Variants in LHPP observed in about 807,000 individuals in gnomAD.
The protein encoded by LHPP is phospholysine phosphohistidine inorganic pyrophosphate phosphatase.
A neutral mutation model predicts 30.3 loss-of-function variants in LHPP; 24 were observed. The ratio of observed to expected loss-of-function variants is 0.79; its 90% CI spans 0.57 to 1.11. The LOEUF (loss-of-function observed/expected upper bound fraction) is 1.11. Ranked by LOEUF, LHPP falls within the 50% of genes most tolerant of loss-of-function variation. LHPP has a pLI of 0.00. For synonymous variants in LHPP, 150 were observed against 157.1 expected (o/e 0.95, Z 0.34); for missense variants, 356 against 367.2 (o/e 0.97, Z 0.25).
intron 6 of LHPP, among the ~76,000 whole-genome samples, chr10:124,557,761 G>A (rs1433516083): frequency 6.6e-6 from 1 of 152,114 alleles, no homozygotes; most frequent in Non-Finnish European, 1.5e-5. Flanking sequence ...GCCAAGCAGG[G>A]TACAGAGCAC....
At chr10:124,498,552 T>G (rs1953798601) in intron 5 of LHPP, 3 of 1,263,020 alleles carry the variant, frequency 2.4e-6, no homozygotes, top group African/African-American at 1.5e-5. Context: ...CCTTTCAAAC[T>G]TCCAAATTTT....
rs186879984 is a variant in LHPP, at chr10:124,592,910, C to T, written c.717-20354C>T. 3.9e-5 allele frequency among the ~76,000 whole-genome samples: 6 copies of T among 152,346 alleles called. No individual in the cohort carries two copies. The highest frequency in any genetic ancestry group is 3.9e-4 in the East Asian group (2 of 5,180). ...TGGGCACAATCGGCCCAGTGTGGGG[C>T]GCACCGCCCCAGGCAGGCTGGCGTC... On this transcript the variant is annotated intron_variant, in intron 6 of 6. Coordinates refer to ENST00000368842, the MANE Select transcript of LHPP (RefSeq NM_022126.4). This position sits in a 1 kb window ranked among gnomAD's most constrained non-coding sequence, Gnocchi z 6.2.
chr10:124,487,891 AAGG>A (rs1338102536), intron 2 of LHPP, among the ~76,000 whole-genome samples: 1 of 152,212 alleles, frequency 6.6e-6, no homozygotes, highest in African/African-American at 2.4e-5. Flanking sequence ...GAAGACAAAG[AAGG>A]AGAAGGAGGA....
intron 6 of LHPP, among the ~76,000 whole-genome samples, chr10:124,572,308 C>T (rs551112911): frequency 1.2e-4 from 18 of 152,166 alleles, no homozygotes; most frequent in African/African-American, 3.4e-4. Context: ...TCACTGGCAC[C>T]GAGAAGTGTA....
chr10:124,537,482 C>G (rs555460650), intron 6 of LHPP, among the ~76,000 whole-genome samples: 68 of 152,340 alleles, frequency 4.5e-4, no homozygotes, highest in African/African-American at 1.6e-3. Context: ...CCATCGAAGG[C>G]TGGTGGGACT....
Position 124,576,345 on chromosome 10 carries a change from C to T in LHPP, c.717-36919C>T, listed in dbSNP as rs570345177. On this transcript the variant is annotated intron_variant, in intron 6 of 6. Coordinates refer to ENST00000368842, the MANE Select transcript of LHPP (RefSeq NM_022126.4). This position sits in a 1 kb window ranked among gnomAD's most constrained non-coding sequence, Gnocchi z 4.2. ...GCATGTGGGGGCGCTGGGGTGGCAG[C>T]AGGGCCAGACCCCACTTCAGGGGTT... Among the ~76,000 whole-genome samples the T allele has an allele frequency of 1.3e-5, 2 of 152,212 alleles. No homozygotes were observed. The highest frequency in any genetic ancestry group is 3.9e-4 in the East Asian group (2 of 5,184).
In LHPP at chr10:124,547,827, T is replaced by G. The variant is rs1216502441; in HGVS notation, c.716+30556T>G. Among the ~76,000 whole-genome samples, 4 of 152,362 alleles carry G rather than the reference T, an allele frequency of 2.6e-5. No homozygotes were observed. In the East Asian group the frequency reaches 7.7e-4, roughly 29 times the overall value. The stretch of plus-strand genomic sequence containing the variant: ...CTTCTAAACTGCTGAGTGGTCAGTG[T>G]CGGTTATCAGCTGTCCACATATATT... On this transcript the variant is annotated intron_variant, in intron 6 of 6. Coordinates refer to ENST00000368842, the MANE Select transcript of LHPP (RefSeq NM_022126.4).
intron 6 of LHPP, among the ~76,000 whole-genome samples, chr10:124,533,683 G>A (rs1954951021): frequency 6.6e-6 from 1 of 152,228 alleles, no homozygotes; most frequent in Non-Finnish European, 1.5e-5. Context: ...TCACCCAGGT[G>A]GCCCGCTTCT....
At chr10:124,550,052 G>A (rs1589855491) in intron 6 of LHPP, among the ~76,000 whole-genome samples, 1 of 152,236 alleles carries the variant, frequency 6.6e-6, no homozygotes, top group African/African-American at 2.4e-5. Flanking sequence ...AGCCAGTGCT[G>A]GATCTCAGAG....
At chr10:124,602,133 C>A (rs553508079) in intron 6 of LHPP, among the ~76,000 whole-genome samples, 1 of 152,336 alleles carries the variant, frequency 6.6e-6, no homozygotes, top group Non-Finnish European at 1.5e-5. Context: ...CTATGCCCCA[C>A]GTGCCCAGGG....
chr10:124,563,308 T>TCTTC (rs34347060), intron 6 of LHPP, among the ~76,000 whole-genome samples: 1 of 145,730 alleles, frequency 6.9e-6, no homozygotes, highest in African/African-American at 2.5e-5. Flanking sequence ...TCTCTCTCTC[T>TCTTC]TTTTCTTTTT....
At position 124,488,588 on chromosome 10, in the gene LHPP, C is replaced by G. The variant is rs758718207; in HGVS notation, c.467+13C>G. 2 of 1,598,568 alleles carry G rather than the reference C, an allele frequency of 1.3e-6. No homozygotes were observed. The highest frequency in any genetic ancestry group is 2.2e-5 in the South Asian group (2 of 89,400). On this transcript the variant is annotated intron_variant, in intron 3 of 6. Coordinates refer to ENST00000368842, the MANE Select transcript of LHPP (RefSeq NM_022126.4). ...CACTGGGAAAAGGGTAAGTTGGCTC[C>G]AGGGAGAGTCATTTCTCGGTGCTTT...
chr10:124,517,183 G>A lies in LHPP; in HGVS notation c.628G>A (p.Val210Ile), dbSNP rs763505137. 1.6e-5 allele frequency: 25 copies of A among 1,600,988 alleles called. No individual in the cohort carries two copies. The highest frequency in any genetic ancestry group is 5.2e-5 in the Admixed American group (3 of 57,970). Residue 210 changes from valine (V) to isoleucine (I), a missense_variant, in exon 6 of 7, where the codon GTC becomes ATC. Coordinates refer to ENST00000368842, the MANE Select transcript of LHPP (RefSeq NM_022126.4). The surrounding 1 kb of genome is among the most constrained non-coding windows in gnomAD (Gnocchi z 4.1). Reference protein sequence around the residue: ...QAIGVEAHQAVMIGDDIVGDV... With the variant: ...QAIGVEAHQAIMIGDDIVGDV... Reference sequence around the variant, plus strand: ...GCGTATTTCACTGCCGTGACAGGCCGTCATGATTGGGGACGATATCGTGGG... The same window carrying A: ...GCGTATTTCACTGCCGTGACAGGCCATCATGATTGGGGACGATATCGTGGG...
chr10:124,489,024 C>T (rs1191752254), intron 3 of LHPP, among the ~76,000 whole-genome samples: 1 of 152,170 alleles, frequency 6.6e-6, no homozygotes, highest in East Asian at 1.9e-4. Context: ...CAGTCTCTGG[C>T]CACAGATCAC....
chr10:124,488,392 G>T lies in LHPP; in HGVS notation c.314-30G>T. ...GTAGGCCATGTCCTCCCAGGGCTCC[G>T]TGGCACTCTGTCTCTCTCTCTCTTT... On this transcript the variant is annotated intron_variant, in intron 2 of 6. Transcript: ENST00000368842. 6.2e-6 allele frequency: 10 copies of T among 1,612,042 alleles called. No individual in the cohort carries two copies. The South Asian group carries it at 1.1e-4, about 18-fold the overall frequency.
At chr10:124,571,372 G>C (rs1380847686) in intron 6 of LHPP, among the ~76,000 whole-genome samples, 1 of 152,188 alleles carries the variant, frequency 6.6e-6, no homozygotes, top group Non-Finnish European at 1.5e-5. Flanking sequence ...TTAACTTTTT[G>C]AGTAACGAGC....
At chr10:124,479,483 C>T (rs1258934526) in intron 1 of LHPP, among the ~76,000 whole-genome samples, 1 of 152,236 alleles carries the variant, frequency 6.6e-6, no homozygotes, top group Non-Finnish European at 1.5e-5. Flanking sequence ...GCTGCCATAA[C>T]AAGTGCCATT....
In LHPP at chr10:124,481,373, C is replaced by T. The variant is rs1472755625; in HGVS notation, c.126-2766C>T. On this transcript the variant is annotated intron_variant, in intron 1 of 6. Coordinates refer to ENST00000368842, the MANE Select transcript of LHPP (RefSeq NM_022126.4). Reference sequence around the variant, plus strand: ...GAATCGTGCCTGGCTTATCTGCCCCCTTTTTTTTTTTTTTTTTTTTTGCGA... The same window carrying T: ...GAATCGTGCCTGGCTTATCTGCCCCTTTTTTTTTTTTTTTTTTTTTTGCGA... 5.9e-5 allele frequency among the ~76,000 whole-genome samples: 5 copies of T among 85,014 alleles called. No individual in the cohort carries two copies. In the East Asian group the frequency reaches 1.2e-3, roughly 20 times the overall value. The allele number at this position is 85,014 out of a possible 152,430, so 55.8% of individuals were successfully genotyped here.
chr10:124,464,713 T>C (rs149544872), intron 1 of LHPP, among the ~76,000 whole-genome samples: 2 of 152,254 alleles, frequency 1.3e-5, no homozygotes, highest in Non-Finnish European at 2.9e-5. Flanking sequence ...GGGCCTCATC[T>C]GGGGAGCAGG....
Sources: gnomAD v4.1 joint callset for allele counts (sites outside exome capture counted in the v4.1 genomes callset) on GRCh38, gnomAD v4.1.1 for gene constraint, Gnocchi (gnomAD v3.1) non-coding constraint, MANE v1.5 for transcripts, NCBI Gene and HGNC (gene_info 2026-07-23, HGNC 2026-07-21) for gene names.